Variants in MDGA2 observed in about 807,000 individuals in gnomAD.
MDGA2 encodes MAM domain containing glycosylphosphatidylinositol anchor 2, also known as MAM domain-containing glycosylphosphatidylinositol anchor protein 2.
Under a neutral mutation model 117.8 loss-of-function variants are expected in MDGA2, and 40 were observed. The observed-to-expected ratio is 0.34, with a 90% confidence interval of 0.26 to 0.44. MDGA2 has a LOEUF of 0.44. Among genes scored for constraint, MDGA2 ranks in the 20% least tolerant of loss-of-function variants. The pLI is 1.00. For missense variants in MDGA2, 1,123 were observed against 1,250.6 expected (o/e 0.90, Z 1.54); for synonymous variants, 452 against 439.0 (o/e 1.03, Z -0.37).
intron 1 of MDGA2, among the ~76,000 whole-genome samples, chr14:47,506,281 C>G (rs1457540292): frequency 1.3e-5 from 2 of 152,028 alleles, no homozygotes; most frequent in Non-Finnish European, 2.9e-5. Context: ...AAAAATGGAA[C>G]TGATTAAAAA....
intron 1 of MDGA2, among the ~76,000 whole-genome samples, chr14:47,371,491 AC>A (rs1376092170): frequency 1.3e-5 from 2 of 151,728 alleles, no homozygotes; most frequent in Non-Finnish European, 3.0e-5. Flanking sequence ...TAATCTCCTT[AC>A]CCCAGGCACA....
chr14:46,924,229 A>G (rs1884240551), intron 9 of MDGA2, among the ~76,000 whole-genome samples: 1 of 152,026 alleles, frequency 6.6e-6, no homozygotes, highest in Non-Finnish European at 1.5e-5. Flanking sequence ...AGATTTATAT[A>G]GAAATACTGG....
At chr14:47,664,810 T>C (rs1459723935) in intron 1 of MDGA2, among the ~76,000 whole-genome samples, 1 of 152,204 alleles carries the variant, frequency 6.6e-6, no homozygotes, top group East Asian at 1.9e-4. Flanking sequence ...ACTCTAAAAA[T>C]TTAGACTTTA....
chr14:47,618,246 C>T (rs934270686), intron 1 of MDGA2, among the ~76,000 whole-genome samples: 1 of 152,160 alleles, frequency 6.6e-6, no homozygotes, highest in African/African-American at 2.4e-5. Flanking sequence ...CATTCCGATG[C>T]CTATAAAGTA....
intron 1 of MDGA2, among the ~76,000 whole-genome samples, chr14:47,446,576 C>T (rs1006700233): frequency 1.1e-4 from 16 of 151,384 alleles, no homozygotes; most frequent in Admixed American, 7.9e-4. Flanking sequence ...GGAGTGTTGT[C>T]GGTGTATAAG....
chr14:47,023,205 A>AAAAAAAAAG (rs1566579170), intron 8 of MDGA2, among the ~76,000 whole-genome samples: 14 of 146,528 alleles, frequency 9.6e-5, no homozygotes, highest in Non-Finnish European at 1.5e-4. Flanking sequence ...TCGTAAAAAA[A>AAAAAAAAAG]AAAAAAAAAA....
chr14:47,445,693 A>G (rs745770020), intron 1 of MDGA2, among the ~76,000 whole-genome samples: 37 of 152,264 alleles, frequency 2.4e-4, no homozygotes, highest in Admixed American at 6.5e-4. Context: ...CCAGAGAGGG[A>G]CAGCAATAAG....
At chr14:47,031,189 T>G (rs2138630195) in intron 8 of MDGA2, among the ~76,000 whole-genome samples, 1 of 150,924 alleles carries the variant, frequency 6.6e-6, no homozygotes, top group East Asian at 1.9e-4. Flanking sequence ...AGTGGATGGT[T>G]CCATTATTTA....
intron 2 of MDGA2, among the ~76,000 whole-genome samples, chr14:47,251,345 C>T (rs1887437606): frequency 6.6e-6 from 1 of 152,152 alleles, no homozygotes; most frequent in Non-Finnish European, 1.5e-5. Context: ...TGTCTGTATT[C>T]CTTGTGTTCT....
chr14:47,100,445 C>T (rs1465075473), intron 5 of MDGA2, among the ~76,000 whole-genome samples: 1 of 152,074 alleles, frequency 6.6e-6, no homozygotes, highest in Non-Finnish European at 1.5e-5. Flanking sequence ...ATTGAATTAT[C>T]TCATTACTAT....
intron 8 of MDGA2, among the ~76,000 whole-genome samples, chr14:47,015,573 T>C (rs1888055288): frequency 6.6e-6 from 1 of 152,086 alleles, no homozygotes; most frequent in African/African-American, 2.4e-5. Context: ...GGAAAAGTCA[T>C]GACTGGGAAG....
rs1213676605 is a variant in MDGA2, at chr14:47,394,435, A to G, written c.281-92885T>C. Among the ~76,000 whole-genome samples the G allele has an allele frequency of 2.6e-5, 4 of 152,112 alleles. No individual in the cohort carries two copies. In the East Asian group the frequency reaches 7.7e-4, roughly 29 times the overall value. On this transcript the variant is annotated intron_variant, in intron 1 of 16. Coordinates refer to ENST00000399232, the MANE Select transcript of MDGA2 (RefSeq NM_001113498.3). ...CCATTAAGAAACCATCTTAAACTTA[A>G]CCTCAACTGTGATAGCAATTTAACC... is the stretch of plus-strand genomic sequence containing the variant.
At chr14:47,228,367 G>T (rs1886578800) in intron 2 of MDGA2, among the ~76,000 whole-genome samples, 1 of 151,794 alleles carries the variant, frequency 6.6e-6, no homozygotes, top group Admixed American at 6.6e-5. Context: ...TTGACTTAAT[G>T]ATTTTTCTAC....
chr14:47,216,482 CT>C (rs1352301294), intron 3 of MDGA2, among the ~76,000 whole-genome samples: 1 of 151,944 alleles, frequency 6.6e-6, no homozygotes, highest in Non-Finnish European at 1.5e-5. Flanking sequence ...GAGTGTAAAG[CT>C]TTTTTCTATT....
chr14:47,674,575 G>A lies in MDGA2; in HGVS notation c.222C>T (p.Tyr74=). 1.3e-6 allele frequency: 2 copies of A among 1,551,424 alleles called. No individual in the cohort carries two copies. The highest frequency in any genetic ancestry group is 2.4e-5 in the South Asian group (2 of 83,906). The change falls in exon 1 of 17, where the codon TAC becomes TAT. Residue 74 remains tyrosine (Y), a synonymous_variant. Transcript: ENST00000399232. ...VHVHVKMDLL[Y]GLVWLLTVLL... ...GGACTGTCAGCAGCCACACGAGACCGTACAGTAAATCCATCTTCACGTGAA... is the reference window on the plus strand; with the variant it reads ...GGACTGTCAGCAGCCACACGAGACCATACAGTAAATCCATCTTCACGTGAA...
intron 5 of MDGA2, among the ~76,000 whole-genome samples, chr14:47,121,843 C>A (rs1006445548): frequency 8.6e-5 from 13 of 151,986 alleles, no homozygotes; most frequent in African/African-American, 2.4e-4. Context: ...ATTGATAGCA[C>A]AAATATTTGC....
At chr14:47,172,471 G>A (rs530233851) in intron 3 of MDGA2, among the ~76,000 whole-genome samples, 1 of 152,002 alleles carries the variant, frequency 6.6e-6, no homozygotes, top group Non-Finnish European at 1.5e-5. Flanking sequence ...AACGATCAGA[G>A]AGCAGCATTC....
chr14:47,511,619 T>A (rs1894642607), intron 1 of MDGA2, among the ~76,000 whole-genome samples: 1 of 152,204 alleles, frequency 6.6e-6, no homozygotes, highest in African/African-American at 2.4e-5. Context: ...GTTTCAATTC[T>A]AATGGACTTA....
chr14:47,152,429 G>T (rs1422217170), intron 3 of MDGA2, among the ~76,000 whole-genome samples: 1 of 152,106 alleles, frequency 6.6e-6, no homozygotes, highest in African/African-American at 2.4e-5. Context: ...ATGTTTGGAA[G>T]AAACTTTACA....
Sources: allele counts gnomAD v4.1 joint callset (sites outside exome capture counted in the v4.1 genomes callset), GRCh38; gene constraint gnomAD v4.1.1; transcripts MANE v1.5; gene names NCBI Gene and HGNC (gene_info 2026-07-23, HGNC 2026-07-21).